Variants in TSC22D1 observed in about 807,000 individuals in gnomAD.
TSC22D1 encodes the protein TSC22 domain family member 1.
Under a neutral mutation model 74.2 loss-of-function variants are expected in TSC22D1, and 9 were observed. That is an observed-to-expected ratio of 0.12 (90% CI 0.07 to 0.21). The LOEUF is 0.21. Ranked by LOEUF, TSC22D1 falls within the 10% of genes least tolerant of loss-of-function variation. The pLI is 1.00. For missense variants in TSC22D1, 1,427 were observed against 1,304.7 expected, an observed-to-expected ratio of 1.09 and a Z score of -1.44; for synonymous variants, 586 against 492.5, an observed-to-expected ratio of 1.19 and a Z score of -2.51.
At chr13:44,528,362 A>G (rs188915815) in intron 1 of TSC22D1, among the ~76,000 whole-genome samples, 1 of 152,226 alleles carries the variant, frequency 6.6e-6, no homozygotes, top group Admixed American at 6.5e-5. Flanking sequence ...GAATTAAACT[A>G]AAAATCAATA....
intron 1 of TSC22D1, among the ~76,000 whole-genome samples, chr13:44,501,728 A>G (rs1879226325): frequency 6.6e-6 from 1 of 152,228 alleles, no homozygotes; most frequent in Non-Finnish European, 1.5e-5. Flanking sequence ...CTTAAGAAGC[A>G]TATTACCTGT....
intron 1 of TSC22D1, among the ~76,000 whole-genome samples, chr13:44,547,149 T>G (rs974281329): frequency 6.6e-6 from 1 of 152,084 alleles, no homozygotes; most frequent in Non-Finnish European, 1.5e-5. Flanking sequence ...CTGAATATGG[T>G]TCCATACTCG....
intron 1 of TSC22D1, among the ~76,000 whole-genome samples, chr13:44,481,806 T>C (rs1337905195): frequency 6.6e-6 from 1 of 152,176 alleles, no homozygotes; most frequent in African/African-American, 2.4e-5. Flanking sequence ...CAAAAAATTA[T>C]AGCAATAATA....
intron 1 of TSC22D1, among the ~76,000 whole-genome samples, chr13:44,571,457 G>A (rs75595553): frequency 6.6e-6 from 1 of 152,132 alleles, no homozygotes; most frequent in Admixed American, 6.5e-5. Flanking sequence ...GGAGGAAAAA[G>A]AGGTGAAAGT....
chr13:44,571,166 T>A (rs1883736515), intron 1 of TSC22D1, among the ~76,000 whole-genome samples: 1 of 152,232 alleles, frequency 6.6e-6, no homozygotes, highest in African/African-American at 2.4e-5. Flanking sequence ...GAGAGACTGC[T>A]AAACATAATT....
intron 1 of TSC22D1, chr13:44,539,911 T>C: frequency 1.6e-6 from 2 of 1,289,636 alleles, no homozygotes; most frequent in East Asian, 5.5e-5. Context: ...GCACCTCTGG[T>C]AGGAGAGAAG....
chr13:44,574,428 T>C lies in TSC22D1; in HGVS notation c.1647A>G (p.Leu549=). The part of the protein sequence containing the change: ...ISQSQISQVQ[L]QSQELSYQQK... ...GCTGATAGCTCAGTTCTTGAGACTG[T>C]AATTGTACTTGTGAGATCTGTGACT... The change falls in exon 1 of 3, where the codon TTA becomes TTG. Residue 549 remains leucine, a synonymous_variant. Transcript: ENST00000458659. 1.9e-6 allele frequency: 3 copies of C among 1,614,258 alleles called. No individual in the cohort carries two copies. Among genetic ancestry groups the C allele is most frequent in the African/African-American group, 1.3e-5 (1 of 75,070 alleles).
At chr13:44,471,422 T>C (rs532538852) in intron 1 of TSC22D1, among the ~76,000 whole-genome samples, 1 of 152,326 alleles carries the variant, frequency 6.6e-6, no homozygotes, top group Admixed American at 6.5e-5. Context: ...CATCACACTT[T>C]CCTTTCTGAC....
At chr13:44,539,581 A>C (rs1881345855) in intron 1 of TSC22D1, 1 of 985,244 alleles carries the variant, frequency 1.0e-6, no homozygotes, top group African/African-American at 1.7e-5. Context: ...AATTATCTGG[A>C]GAGAAAATTA....
At chr13:44,479,161 C>A (rs1215004404) in intron 1 of TSC22D1, among the ~76,000 whole-genome samples, 1 of 152,138 alleles carries the variant, frequency 6.6e-6, no homozygotes, top group Non-Finnish European at 1.5e-5. Context: ...ATCTGTGTAT[C>A]TAGAATCAGC....
At chr13:44,521,220 C>T (rs1455695889) in intron 1 of TSC22D1, among the ~76,000 whole-genome samples, 1 of 152,148 alleles carries the variant, frequency 6.6e-6, no homozygotes, top group Non-Finnish European at 1.5e-5. Context: ...CGCTAACCCC[C>T]CACTATCAAA....
At chr13:44,526,153 T>G (rs990505440) in intron 1 of TSC22D1, among the ~76,000 whole-genome samples, 4 of 151,952 alleles carry the variant, frequency 2.6e-5, no homozygotes, top group African/African-American at 9.7e-5. Flanking sequence ...GCTAAAAGGT[T>G]AGGAAAAATA....
At chr13:44,511,153 C>T (rs986474008) in intron 1 of TSC22D1, among the ~76,000 whole-genome samples, 5 of 151,880 alleles carry the variant, frequency 3.3e-5, no homozygotes, top group African/African-American at 4.8e-5. Context: ...CATGGTGGTG[C>T]GCACCTGTAA....
At chr13:44,563,346 T>C (rs1883170640) in intron 1 of TSC22D1, among the ~76,000 whole-genome samples, 1 of 152,204 alleles carries the variant, frequency 6.6e-6, no homozygotes, top group South Asian at 2.1e-4. Flanking sequence ...GTACTGAACA[T>C]TTTACAATGA....
chr13:44,542,452 T>C (rs895537503), intron 1 of TSC22D1, among the ~76,000 whole-genome samples: 8 of 151,982 alleles, frequency 5.3e-5, no homozygotes, highest in Non-Finnish European at 2.9e-5. Context: ...CAGTATAATA[T>C]AGATAAAAAG....
intron 1 of TSC22D1, among the ~76,000 whole-genome samples, chr13:44,482,305 C>A (rs531875941): frequency 6.6e-6 from 1 of 152,230 alleles, no homozygotes; most frequent in South Asian, 2.1e-4. Flanking sequence ...GAGGCTGAGG[C>A]AAGTGGATCA....
chr13:44,557,980 T>C (rs1595166725), intron 1 of TSC22D1, among the ~76,000 whole-genome samples: 1 of 152,222 alleles, frequency 6.6e-6, no homozygotes, highest in Non-Finnish European at 1.5e-5. Flanking sequence ...GTAGAAACTA[T>C]ACTTTTTAAA....
At chr13:44,517,294 G>C (rs939871080) in intron 1 of TSC22D1, among the ~76,000 whole-genome samples, 2 of 151,418 alleles carry the variant, frequency 1.3e-5, no homozygotes, top group Non-Finnish European at 2.9e-5. Context: ...CTAAAACAGA[G>C]AGCAATAGTA....
At chr13:44,459,678 T>A (rs1308796154) in intron 1 of TSC22D1, among the ~76,000 whole-genome samples, 1 of 152,182 alleles carries the variant, frequency 6.6e-6, no homozygotes, top group Non-Finnish European at 1.5e-5. Flanking sequence ...TGACACCCTC[T>A]TTGGGGCTCT....
Sources: gnomAD v4.1 joint callset for allele counts (sites outside exome capture counted in the v4.1 genomes callset) on GRCh38, gnomAD v4.1.1 for gene constraint, MANE v1.5 for transcripts, NCBI Gene and HGNC (gene_info 2026-07-23, HGNC 2026-07-21) for gene names.